Variants in SMTN observed in about 807,000 individuals in gnomAD.
The protein encoded by SMTN is smoothelin.
In SMTN, 58 loss-of-function variants were observed where a neutral mutation model predicts 102.0. The observed-to-expected ratio is 0.57, with a 90% CI of 0.46 to 0.71. The LOEUF (loss-of-function observed/expected upper bound fraction) is 0.71. SMTN is among the 30% of genes least tolerant of loss of function. The pLI is 0.00. For missense variants in SMTN, 1,185 were observed against 1,241.7 expected, an observed-to-expected ratio of 0.95 and a Z score of 0.69; for synonymous variants, 478 against 497.9, an observed-to-expected ratio of 0.96 and a Z score of 0.53.
chr22:31,088,933 C>G lies in SMTN; in HGVS notation c.435C>G (p.Ser145Arg). The G allele has an allele frequency of 3.1e-6, 5 of 1,613,886 alleles. No individual in the cohort carries two copies. The highest frequency in any genetic ancestry group is 4.2e-6 in the Non-Finnish European group (5 of 1,180,016). The change falls in exon 6 of 21, where the codon AGC (serine) becomes AGG (arginine). Residue 145 changes from serine (S) to arginine (R), a missense_variant. Ser to Arg is a moderately radical substitution (Grantham distance 110). Transcript: ENST00000333137. The stretch of plus-strand genomic sequence containing the variant: ...CCAACAGTGGCTCAAGAGAGGACAG[C>G]AAGGGGCTAGCGGCACACAGGCTGG... ...GRPNSGSRED[S>R]KGLAAHRLEQ...
chr22:31,104,255 GA>G, intron 20 of SMTN, 60 bp from the exon 21 acceptor site: 1 of 1,593,262 alleles, frequency 6.3e-7, no homozygotes, highest in African/African-American at 1.3e-5. Flanking sequence ...CCTTGGGGTA[GA>G]GGGGCGCCAC....
At chr22:31,065,043 A>C (rs1013627892) in intron 1 of SMTN, 7 of 151,982 alleles carry the variant, frequency 4.6e-5, no homozygotes, top group African/African-American at 1.7e-4. Context: ...CTGTTCAGTC[A>C]TTTTATAGAA....
chr22:31,090,224 T>C (rs1175055695), intron 8 of SMTN, 44 bp downstream of exon 8: 2 of 1,462,738 alleles, frequency 1.4e-6, no homozygotes, highest in Non-Finnish European at 9.3e-7. Context: ...TTTCTTCCCC[T>C]CCCCCTGCCT....
chr22:31,088,738 C>T lies in SMTN; in HGVS notation c.334C>T (p.Arg112Ter), dbSNP rs1028037004. 1.9e-6 allele frequency: 3 copies of T among 1,613,442 alleles called. No individual in the cohort carries two copies. Among genetic ancestry groups the T allele is most frequent in the African/African-American group, 1.3e-5 (1 of 75,052 alleles). Residue 112 changes from arginine to a stop codon, truncating the protein, a stop_gained, in exon 5 of 21, where the codon CGA (arginine) becomes TGA (stop). Transcript: ENST00000333137. LOFTEE classifies it high-confidence loss of function. ...TGAGTATGAGGAGCGCAAGCTGATCCGAGCTGCCATCCGCCGTGTACGGGC... is the reference window on the plus strand; with the variant it reads ...TGAGTATGAGGAGCGCAAGCTGATCTGAGCTGCCATCCGCCGTGTACGGGC... Reference protein sequence around the residue: ...AGEYEERKLIRAAIRRVRAQE... With the variant: ...AGEYEERKLI
upstream of SMTN, chr22:31,080,300 G>A (rs1341316769): frequency 6.6e-6 from 1 of 152,196 alleles, no homozygotes; most frequent in African/African-American, 2.4e-5. Context: ...AAGGTGCTGG[G>A]TATGAATCAC....
In SMTN at chr22:31,099,147, G is replaced by T. The variant is rs2043873309; in HGVS notation, c.2419G>T (p.Asp807Tyr). ...CAACAGCATCAAGCAGATGCTGCTG[G>T]ACTGGTGTCGAGCCAAGACTCGCGG... ...NANSIKQMLLDWCRAKTRGYE... is the reference protein window; with the variant it reads ...NANSIKQMLLYWCRAKTRGYE... The change falls in exon 18 of 21, where the codon GAC becomes TAC. Residue 807 changes from aspartate to tyrosine, a missense_variant. Asp to Tyr is a radical substitution (Grantham distance 160). This residue lies in a region of SMTN where 1,096 missense variants were observed against 1,112.7 expected (regional missense o/e 0.98). Transcript: ENST00000333137. The T allele has an allele frequency of 1.2e-6, 2 of 1,613,036 alleles. No homozygotes were observed. Among genetic ancestry groups the T allele is most frequent in the African/African-American group, 2.7e-5 (2 of 74,940 alleles).
intron 2 of SMTN, among the ~76,000 whole-genome samples, chr22:31,084,279 G>T (rs1332584456): frequency 6.6e-6 from 1 of 152,178 alleles, no homozygotes; most frequent in Admixed American, 6.5e-5. Flanking sequence ...GTCCATGGGG[G>T]TAAATTAAAG....
Position 31,099,789 on chromosome 22 carries a change from G to A in SMTN, c.2496G>A (p.Met832Ile). The change falls in exon 19 of 21, where the codon ATG becomes ATA. Residue 832 changes from methionine to isoleucine, a missense_variant. Coordinates refer to ENST00000333137, the MANE Select transcript of SMTN (RefSeq NM_134269.3). ...TCTCCTCCAGCTGGAGTGATGGGAT[G>A]GCCTTCTGTGCCCTGGTGCACAACT... ...QNFSSSWSDG[M>I]AFCALVHNFF... 1 of 1,614,094 alleles carries A rather than the reference G, an allele frequency of 6.2e-7. No individual in the cohort carries two copies. The highest frequency in any genetic ancestry group is 8.5e-7 in the Non-Finnish European group (1 of 1,179,962).
In SMTN at chr22:31,100,585, G is replaced by A. The variant is rs1368205928; in HGVS notation, c.2604-300G>A. 3.4e-5 allele frequency among the ~76,000 whole-genome samples: 5 copies of A among 148,932 alleles called. No individual in the cohort carries two copies. The South Asian group carries it at 6.4e-4, about 19-fold the overall frequency. ...GCCATCGCCCCCACCCCGCGTTCCC[G>A]CTTGCCCCTAGAGTTCTCTGCACCT... On this transcript the variant is annotated intron_variant, in intron 19 of 20. Transcript: ENST00000333137.
Position 31,088,901 on chromosome 22 carries a change from G to A in SMTN, c.403G>A (p.Gly135Arg), listed in dbSNP as rs369372820. 14 of 1,613,926 alleles carry A rather than the reference G, an allele frequency of 8.7e-6. 1 individual carries two copies. The highest frequency in any genetic ancestry group is 1.6e-4 in the Middle Eastern group (1 of 6,062). ...AATLAGRLYS[G>R]RPNSGSREDS... is the part of the protein sequence containing the mutation. ...CACCTTGGCTGGGAGGTTGTACAGC[G>A]GGCGTCCCAACAGTGGCTCAAGAGA... Residue 135 changes from glycine to arginine, a missense_variant, in exon 6 of 21, where the codon GGG (glycine) becomes AGG (arginine). Coordinates refer to ENST00000333137, the MANE Select transcript of SMTN (RefSeq NM_134269.3).
chr22:31,077,334 T>C (rs979816827), upstream of SMTN, among the ~76,000 whole-genome samples: 2 of 151,726 alleles, frequency 1.3e-5, no homozygotes, highest in African/African-American at 4.8e-5. Context: ...GAGCCATGGT[T>C]GTGCCACTCC....
At position 31,096,408 on chromosome 22, in the gene SMTN, C is replaced by T. The variant is rs2043579843; in HGVS notation, c.1862-325C>T. 11 of 262,680 alleles carry T rather than the reference C, an allele frequency of 4.2e-5. No homozygotes were observed. In the Admixed American group the frequency reaches 4.7e-4, roughly 11 times the overall value. 16.3% of individuals were successfully genotyped at this position (262,680 alleles called of 1,614,324 possible). A position where few individuals can be genotyped will look rare whatever the true frequency, so the allele number is the denominator to read the frequency against. ...TTCTCCTTCCTTGGACTCAGCTACC[C>T]CCTCACTAGATCTAGATACCCCTCC... On this transcript the variant is annotated intron_variant, in intron 13 of 20. Coordinates refer to ENST00000333137, the MANE Select transcript of SMTN (RefSeq NM_134269.3).
intron 6 of SMTN, 62 bp downstream of exon 6, chr22:31,089,031 C>A: frequency 7.4e-7 from 1 of 1,352,564 alleles, no homozygotes. Context: ...GCACAGAGTG[C>A]CTGAGTGTCT....
At position 31,083,297 on chromosome 22, in the gene SMTN, C is replaced by A; in HGVS notation, c.39C>A (p.Ala13=). 1 of 1,575,230 alleles carries A rather than the reference C, an allele frequency of 6.3e-7. No homozygotes were observed. The highest frequency in any genetic ancestry group is 1.2e-5 in the South Asian group (1 of 85,438). The part of the protein sequence containing the change: ...DEALAGLDEG[A]LRKLLEVTAD... ...CCTTAGCTGGGCTGGATGAGGGAGC[C>A]CTTCGGAAGCTGGTAAGTGGCCCCA... is the stretch of plus-strand genomic sequence containing the variant. The change falls in exon 2 of 21, where the codon GCC becomes GCA. Residue 13 remains alanine (A), a synonymous_variant. Coordinates refer to ENST00000333137, the MANE Select transcript of SMTN (RefSeq NM_134269.3).
intron 2 of SMTN, chr22:31,085,362 G>T: frequency 7.4e-7 from 1 of 1,347,922 alleles, no homozygotes; most frequent in Non-Finnish European, 9.9e-7. Context: ...AGCGCCCCCT[G>T]GCGAGGCTTC....
chr22:31,075,997 T>C (rs1197458472), intron 1 of SMTN, among the ~76,000 whole-genome samples: 1 of 146,712 alleles, frequency 6.8e-6, no homozygotes, highest in African/African-American at 2.4e-5. Flanking sequence ...CATTTGGCTA[T>C]TATTAGGCCC....
rs745950764 is a variant in SMTN, at chr22:31,104,377, C to A, written c.*82C>A. The A allele has an allele frequency of 2.5e-6, 4 of 1,614,168 alleles. No homozygotes were observed. The highest frequency in any genetic ancestry group is 4.5e-5 in the East Asian group (2 of 44,872). ...CGACATGATGATCATGGGCAAGAAGCCTGACCCCAAGTGTGTCTTCACCTA... is the reference window on the plus strand; with the variant it reads ...CGACATGATGATCATGGGCAAGAAGACTGACCCCAAGTGTGTCTTCACCTA... On this transcript the variant is annotated 3_prime_UTR_variant, in exon 21 of 21. Coordinates refer to ENST00000333137, the MANE Select transcript of SMTN (RefSeq NM_134269.3).
At chr22:31,077,653 A>C (rs1001121233), upstream of SMTN, among the ~76,000 whole-genome samples, 3 of 152,090 alleles carry the variant, frequency 2.0e-5, no homozygotes, top group Non-Finnish European at 2.9e-5. Flanking sequence ...CCAGGCTGGC[A>C]CATCCAGAAC....
intron 2 of SMTN, 84 bp downstream of exon 2, chr22:31,083,393 G>A (rs2147563983): frequency 7.0e-7 from 1 of 1,426,174 alleles, no homozygotes; most frequent in Middle Eastern, 2.6e-4. Flanking sequence ...TCAGCTGACA[G>A]GAAGAAGTGA....
Sources: gnomAD v4.1 joint callset for allele counts (sites outside exome capture counted in the v4.1 genomes callset) on GRCh38, gnomAD v4.1.1 for gene constraint, gnomAD v4.1.1 regional missense constraint, MANE v1.5 for transcripts, NCBI Gene and HGNC (gene_info 2026-07-23, HGNC 2026-07-21) for gene names.